Variants in MECOM observed in about 807,000 individuals in gnomAD.
MECOM encodes histone-lysine N-methyltransferase MECOM.
In MECOM, 13 loss-of-function variants were observed where a neutral mutation model predicts 116.3. That is an observed-to-expected ratio of 0.11 (90% CI 0.07 to 0.18). The LOEUF (loss-of-function observed/expected upper bound fraction) is 0.18. Among genes scored for constraint, MECOM ranks in the 10% least tolerant of loss-of-function variants. The pLI is 1.00. For missense variants in MECOM, 1,299 were observed against 1,509.0 expected, an observed-to-expected ratio of 0.86 and a Z score of 2.31; for synonymous variants, 528 against 535.2, an observed-to-expected ratio of 0.99 and a Z score of 0.19.
chr3:169,479,270 A>AGTGT (rs10629993), intron 1 of MECOM, among the ~76,000 whole-genome samples: 19,101 of 148,620 alleles, frequency 0.13, 1,479 homozygotes, highest in African/African-American at 0.22. Flanking sequence ...TAGGGATGTG[A>AGTGT]GTGTGTGTGT....
intron 1 of MECOM, among the ~76,000 whole-genome samples, chr3:169,451,238 T>C (rs1745523003): frequency 7.0e-6 from 1 of 142,538 alleles, no homozygotes; most frequent in Non-Finnish European, 1.5e-5. Context: ...CATTTAGACT[T>C]TATTTAAGAT....
intron 8 of MECOM, 59 bp downstream of exon 8, chr3:169,115,324 G>A: frequency 6.5e-7 from 1 of 1,536,342 alleles, no homozygotes; most frequent in Non-Finnish European, 8.8e-7. Context: ...TCACTTTACA[G>A]TGGAAATACC....
Position 169,226,836 on chromosome 3 carries a change from A to G in MECOM, c.376-83004T>C, listed in dbSNP as rs147330439. Among the ~76,000 whole-genome samples the G allele has an allele frequency of 9.4e-3, 1,437 of 152,278 alleles. 7 individuals carry two copies. The highest frequency in any genetic ancestry group is 0.016 in the Non-Finnish European group (1,078 of 68,014). Reference sequence around the variant, plus strand: ...TCAGAACTTCATTAAAAGCAGTTCTATTTCTCCCATGTATGGAAGAAAATT... The same window carrying G: ...TCAGAACTTCATTAAAAGCAGTTCTGTTTCTCCCATGTATGGAAGAAAATT... On this transcript the variant is annotated intron_variant, in intron 2 of 16. Coordinates refer to ENST00000651503, the MANE Select transcript of MECOM (RefSeq NM_004991.4).
intron 1 of MECOM, among the ~76,000 whole-genome samples, chr3:169,441,154 C>G (rs1276536214): frequency 6.6e-6 from 1 of 152,160 alleles, no homozygotes; most frequent in African/African-American, 2.4e-5. Context: ...GATGTGACAG[C>G]TCAGCCTGAG....
At chr3:169,183,015 C>T (rs780177836) in intron 2 of MECOM, among the ~76,000 whole-genome samples, 4 of 152,104 alleles carry the variant, frequency 2.6e-5, no homozygotes, top group African/African-American at 9.7e-5. Context: ...AGGCTTTGTG[C>T]GAGTTAATTA....
chr3:169,337,308 C>A (rs1458541889), intron 2 of MECOM, among the ~76,000 whole-genome samples: 1 of 152,160 alleles, frequency 6.6e-6, no homozygotes, highest in African/African-American at 2.4e-5. Context: ...GACATTTCTA[C>A]ATTCATACAT....
chr3:169,487,752 G>A (rs1752575994), intron 1 of MECOM, among the ~76,000 whole-genome samples: 2 of 121,846 alleles, frequency 1.6e-5, no homozygotes, highest in Non-Finnish European at 3.2e-5. Flanking sequence ...ATCCAGCTAT[G>A]TGTTATTTGG....
chr3:169,442,114 C>T (rs62294344), intron 1 of MECOM, among the ~76,000 whole-genome samples: 8,774 of 152,178 alleles, frequency 0.058, 266 homozygotes, highest in Non-Finnish European at 0.066. Context: ...TTAGTAGAGA[C>T]AGGGTTTCAC....
intron 2 of MECOM, among the ~76,000 whole-genome samples, chr3:169,349,937 C>CA (rs1026921300): frequency 1.3e-4 from 19 of 151,734 alleles, no homozygotes; most frequent in African/African-American, 4.4e-4. Flanking sequence ...AGAGAGATAC[C>CA]AAAATAAATT....
intron 1 of MECOM, among the ~76,000 whole-genome samples, chr3:169,561,766 C>T (rs913068137): frequency 2.0e-5 from 3 of 152,154 alleles, no homozygotes; most frequent in Non-Finnish European, 2.9e-5. Flanking sequence ...TTATTAAAGA[C>T]AACTGAATGC....
intron 2 of MECOM, among the ~76,000 whole-genome samples, chr3:169,315,954 A>G (rs1037542523): frequency 4.6e-5 from 7 of 152,254 alleles, no homozygotes; most frequent in Non-Finnish European, 1.0e-4. Flanking sequence ...ATATTTAACA[A>G]TAAAGTTATT....
chr3:169,346,728 G>C (rs1439292364), intron 2 of MECOM, among the ~76,000 whole-genome samples: 3 of 151,950 alleles, frequency 2.0e-5, no homozygotes, highest in Non-Finnish European at 2.9e-5. Flanking sequence ...AATACTCCAA[G>C]ACACTACTTA....
intron 1 of MECOM, among the ~76,000 whole-genome samples, chr3:169,590,845 C>A (rs1158021732): frequency 6.6e-6 from 1 of 152,186 alleles, no homozygotes; most frequent in African/African-American, 2.4e-5. Flanking sequence ...AGCTAAGATA[C>A]TAATCTAGAA....
intron 2 of MECOM, among the ~76,000 whole-genome samples, chr3:169,256,253 C>A (rs1415317567): frequency 6.6e-6 from 1 of 151,478 alleles, no homozygotes; most frequent in East Asian, 1.9e-4. Flanking sequence ...TAATGTTCCC[C>A]AAAAACTCAT....
chr3:169,552,653 C>T (rs769595830), intron 1 of MECOM, among the ~76,000 whole-genome samples: 11 of 152,094 alleles, frequency 7.2e-5, no homozygotes, highest in Middle Eastern at 3.2e-3. Flanking sequence ...ACACTCTTAA[C>T]CACCATTCAA....
chr3:169,649,239 C>T (rs1372723810), intron 1 of MECOM, among the ~76,000 whole-genome samples: 1 of 151,842 alleles, frequency 6.6e-6, no homozygotes, highest in Non-Finnish European at 1.5e-5. Context: ...GCTTGCAGAT[C>T]ATTTGAGCGC....
At position 169,389,539 on chromosome 3, in the gene MECOM, A is replaced by C. The variant is rs1443216381; in HGVS notation, c.38-8015T>G. The C allele has an allele frequency of 8.1e-6, 8 of 985,178 alleles. 1 individual carries two copies. In the East Asian group the frequency reaches 8.0e-4, roughly 98 times the overall value. 61.0% of individuals were successfully genotyped at this position (985,178 alleles called of 1,614,324 possible). On this transcript the variant is annotated intron_variant, in intron 1 of 16. Coordinates refer to ENST00000651503, the MANE Select transcript of MECOM (RefSeq NM_004991.4). ...TCTTTTGCCAGTACAAATTTTTGAGAGACTTTTAGCAACCTCTGATGGACC... is the reference window on the plus strand; with the variant it reads ...TCTTTTGCCAGTACAAATTTTTGAGCGACTTTTAGCAACCTCTGATGGACC...
chr3:169,543,909 G>A lies in MECOM; in HGVS notation c.37+119427C>T, dbSNP rs544964567. 1.6e-3 allele frequency among the ~76,000 whole-genome samples: 250 copies of A among 152,060 alleles called. 1 individual carries two copies. The highest frequency in any genetic ancestry group is 5.6e-3 in the African/African-American group (234 of 41,458). On this transcript the variant is annotated intron_variant, in intron 1 of 16. Transcript: ENST00000651503. The stretch of plus-strand genomic sequence containing the variant: ...TTTATTTATTTATTTATTTTGAGAT[G>A]GAGTCTCACTCTGTGACCCAGGCTG...
chr3:169,296,450 A>G (rs1032496197), intron 2 of MECOM, among the ~76,000 whole-genome samples: 2 of 152,200 alleles, frequency 1.3e-5, no homozygotes, highest in African/African-American at 4.8e-5. Context: ...GTAAGAAGCC[A>G]TGATTATGTT....
Sources: allele counts gnomAD v4.1 joint callset (sites outside exome capture counted in the v4.1 genomes callset), GRCh38; gene constraint gnomAD v4.1.1; transcripts MANE v1.5; gene names NCBI Gene and HGNC (gene_info 2026-07-23, HGNC 2026-07-21).